ME1: variants seen among roughly 807,000 people sequenced by gnomAD.
ME1 encodes the protein malic enzyme 1.
Under a neutral mutation model 66.4 loss-of-function variants are expected in ME1, and 74 were observed. The observed-to-expected ratio is 1.11, with a 90% CI of 0.92 to 1.35. The LOEUF (loss-of-function observed/expected upper bound fraction) is 1.35. ME1 is among the 40% of genes most tolerant of loss of function. The pLI is 0.00. For synonymous variants in ME1, 251 were observed against 235.6 expected (o/e 1.07, Z -0.60); for missense variants, 750 against 694.1 (o/e 1.08, Z -0.90).
chr6:83,400,890 C>T (rs1415237711), intron 2 of ME1, among the ~76,000 whole-genome samples: 1 of 152,212 alleles, frequency 6.6e-6, no homozygotes, highest in East Asian at 1.9e-4. Flanking sequence ...ACACAAGTCT[C>T]CCTGCTGATT....
At chr6:83,296,715 G>A (rs1767603764) in intron 6 of ME1, among the ~76,000 whole-genome samples, 1 of 152,132 alleles carries the variant, frequency 6.6e-6, no homozygotes, top group Admixed American at 6.6e-5. Context: ...TAGGAAGAAA[G>A]GAAGTCAGAC....
intron 5 of ME1, among the ~76,000 whole-genome samples, chr6:83,341,905 T>C (rs2128543200): frequency 6.6e-6 from 1 of 152,336 alleles, no homozygotes; most frequent in East Asian, 1.9e-4. Context: ...CATAGGAGTG[T>C]AACTTTGTAA....
intron 3 of ME1, among the ~76,000 whole-genome samples, chr6:83,354,471 C>A (rs6917851): frequency 0.25 from 38,502 of 151,934 alleles, 5,558 homozygotes; most frequent in Middle Eastern, 0.46. Flanking sequence ...TAGTGACTCT[C>A]AAACTTCTAT....
chr6:83,310,252 T>C (rs1767905996), intron 6 of ME1, among the ~76,000 whole-genome samples: 1 of 152,104 alleles, frequency 6.6e-6, no homozygotes, highest in Non-Finnish European at 1.5e-5. Context: ...GACTAATTGA[T>C]GCAGGAATAT....
chr6:83,358,433 T>C (rs1768943079), intron 3 of ME1, among the ~76,000 whole-genome samples: 1 of 152,118 alleles, frequency 6.6e-6, no homozygotes, highest in Non-Finnish European at 1.5e-5. Context: ...TTCAGAAGCA[T>C]ATACTGAGCC....
intron 6 of ME1, among the ~76,000 whole-genome samples, chr6:83,292,648 G>A (rs769755396): frequency 6.6e-6 from 1 of 152,200 alleles, no homozygotes; most frequent in Non-Finnish European, 1.5e-5. Flanking sequence ...AACCATTGCT[G>A]TCTTCAGAGC....
intron 2 of ME1, among the ~76,000 whole-genome samples, chr6:83,401,922 T>C (rs1409572883): frequency 1.3e-5 from 2 of 152,224 alleles, no homozygotes; most frequent in African/African-American, 4.8e-5. Flanking sequence ...TTTTCTGGCA[T>C]AGACCCTTAG....
chr6:83,219,857 G>A (rs1790054795), intron 12 of ME1, among the ~76,000 whole-genome samples: 1 of 151,580 alleles, frequency 6.6e-6, no homozygotes, highest in South Asian at 2.1e-4. Flanking sequence ...CAAAGTGTTG[G>A]GATTACAGAC....
intron 1 of ME1, among the ~76,000 whole-genome samples, chr6:83,423,712 T>C (rs955973743): frequency 6.6e-6 from 1 of 152,132 alleles, no homozygotes; most frequent in Admixed American, 6.6e-5. Flanking sequence ...GGTGGGAGGA[T>C]TGCTTGAGCC....
intron 6 of ME1, among the ~76,000 whole-genome samples, chr6:83,298,931 G>GTTTTTTTTTTTTTTTTTTTTTTT (rs61055748): frequency 1.8e-4 from 4 of 22,496 alleles, no homozygotes; most frequent in Non-Finnish European, 3.1e-4. Flanking sequence ...CTATGTGTCT[G>GTTTTTTTTTTTTTTTTTTTTTTT]TTTTTTTTTT....
intron 8 of ME1, among the ~76,000 whole-genome samples, chr6:83,238,570 C>G (rs766547440): frequency 6.6e-6 from 1 of 152,016 alleles, no homozygotes; most frequent in East Asian, 1.9e-4. Context: ...TGTTAATGAG[C>G]TGTCATTTAG....
intron 7 of ME1, among the ~76,000 whole-genome samples, chr6:83,240,784 T>C (rs779303811): frequency 1.3e-5 from 2 of 152,134 alleles, no homozygotes; most frequent in Non-Finnish European, 2.9e-5. Flanking sequence ...TAATCAACAT[T>C]TCACAATCAG....
At chr6:83,288,490 C>T (rs1399845777) in intron 6 of ME1, among the ~76,000 whole-genome samples, 2 of 151,994 alleles carry the variant, frequency 1.3e-5, no homozygotes, top group African/African-American at 2.4e-5. Flanking sequence ...TTTCTGAGGC[C>T]TCCGTTCTGT....
At chr6:83,369,720 GAAGGAAAT>G (rs1769162128) in intron 3 of ME1, among the ~76,000 whole-genome samples, 1 of 147,916 alleles carries the variant, frequency 6.8e-6, no homozygotes, top group Admixed American at 6.8e-5. Flanking sequence ...AGGAAGGAAG[GAAGGAAAT>G]AAATGAAATC....
rs551011714 is a variant in ME1, at chr6:83,405,752, C to T, written c.212+2016G>A. 2.3e-4 allele frequency among the ~76,000 whole-genome samples: 32 copies of T among 136,544 alleles called. No individual in the cohort carries two copies. The South Asian group carries it at 7.5e-3, about 32-fold the overall frequency. The allele number at this position is 136,544 out of a possible 152,430, so 89.6% of individuals were successfully genotyped here. A position where few individuals can be genotyped will look rare whatever the true frequency, so the allele number is the denominator to read the frequency against. ...TTTTTTTTTTTTTGAGACGGAGTCT[C>T]GCTCTGTCGCCCAGGCTGGAGTGCA... On this transcript the variant is annotated intron_variant, in intron 2 of 13. Transcript: ENST00000369705.
At chr6:83,326,422 G>C (rs928308507) in intron 5 of ME1, among the ~76,000 whole-genome samples, 2 of 152,100 alleles carry the variant, frequency 1.3e-5, no homozygotes, top group African/African-American at 4.8e-5. Flanking sequence ...CTTCTGCACA[G>C]CAAAGGAAAC....
chr6:83,325,022 A>G (rs1768260536), intron 5 of ME1, among the ~76,000 whole-genome samples: 1 of 152,150 alleles, frequency 6.6e-6, no homozygotes, highest in Admixed American at 6.5e-5. Flanking sequence ...CACCATGATC[A>G]AGTGGGCTTC....
intron 6 of ME1, among the ~76,000 whole-genome samples, chr6:83,292,630 G>A (rs747976682): frequency 3.9e-5 from 6 of 152,202 alleles, no homozygotes; most frequent in Non-Finnish European, 5.9e-5. Flanking sequence ...CAAACGCCAT[G>A]CTGGGAGAAC....
At position 83,295,744 on chromosome 6, in the gene ME1, G is replaced by GA. The variant is rs1431090216; in HGVS notation, c.704+19565dup. On this transcript the variant is annotated intron_variant, in intron 6 of 13. Transcript: ENST00000369705. ...TTAACAAATCCAGGAGTGGTTCTTTGAAAAAATTAATAAGATAGGCTGCTA... is the reference window on the plus strand; with the variant it reads ...TTAACAAATCCAGGAGTGGTTCTTTGAAAAAAATTAATAAGATAGGCTGCTA... Among the ~76,000 whole-genome samples the GA allele has an allele frequency of 2.0e-5, 3 of 152,066 alleles. No individual in the cohort carries two copies. The East Asian group carries it at 5.8e-4, about 29-fold the overall frequency.
Sources: gnomAD v4.1 joint callset for allele counts (sites outside exome capture counted in the v4.1 genomes callset) on GRCh38, gnomAD v4.1.1 for gene constraint, MANE v1.5 for transcripts, NCBI Gene and HGNC (gene_info 2026-07-23, HGNC 2026-07-21) for gene names.